The following SLC14A2 variants were observed in gnomAD, a reference collection of about 807,000 sequenced individuals.
SLC14A2 encodes solute carrier family 14 member 2, also known as urea transporter 2.
In SLC14A2, 91 loss-of-function variants were observed where a neutral mutation model predicts 104.6. The ratio of observed to expected loss-of-function variants is 0.87; its 90% CI spans 0.73 to 1.04. SLC14A2 has a LOEUF of 1.04. Ranked by LOEUF, SLC14A2 falls within the 50% of genes least tolerant of loss-of-function variation. The probability of loss-of-function intolerance (pLI) is 0.00; values close to 1 mark genes in which losing one functional copy is unlikely to be tolerated. For missense variants in SLC14A2, 1,189 were observed against 1,156.0 expected, an observed-to-expected ratio of 1.03 and a Z score of -0.41; for synonymous variants, 476 against 466.4, an observed-to-expected ratio of 1.02 and a Z score of -0.27.
At chr18:45,582,666 CAGAG>C (rs777396471) in intron 2 of SLC14A2, among the ~76,000 whole-genome samples, 15 of 152,152 alleles carry the variant, frequency 9.9e-5, no homozygotes, top group Middle Eastern at 3.2e-3. Context: ...CTGGGTCACA[CAGAG>C]AGCTTTCTGA....
intron 1 of SLC14A2, among the ~76,000 whole-genome samples, chr18:45,366,219 C>T (rs868442174): frequency 6.6e-6 from 1 of 152,172 alleles, no homozygotes; most frequent in South Asian, 2.1e-4. Context: ...AAGCTCCCTG[C>T]ATTGGCTAGC....
At chr18:45,544,782 ATG>A (rs2043944872) in intron 2 of SLC14A2, among the ~76,000 whole-genome samples, 1 of 145,912 alleles carries the variant, frequency 6.9e-6, no homozygotes, top group Non-Finnish European at 1.5e-5. Flanking sequence ...TTTATCAATA[ATG>A]TCTTTTTTTT....
At chr18:45,398,017 T>C (rs1270283855) in intron 1 of SLC14A2, among the ~76,000 whole-genome samples, 1 of 152,148 alleles carries the variant, frequency 6.6e-6, no homozygotes, top group African/African-American at 2.4e-5. Flanking sequence ...TAGGAAGTAA[T>C]ATTTATTGAG....
At chr18:45,408,887 C>T (rs570827760) in intron 1 of SLC14A2, among the ~76,000 whole-genome samples, 19 of 152,206 alleles carry the variant, frequency 1.2e-4, no homozygotes, top group African/African-American at 4.6e-4. Flanking sequence ...ATTACTTTAC[C>T]TCTCTGGGCC....
rs1041468579 is a variant in SLC14A2, at chr18:45,594,404, T to A, written c.-34-30227T>A. On this transcript the variant is annotated intron_variant, in intron 2 of 20. Transcript: ENST00000586448. ...AGAATTTGAACAACCCATAGACTCA[T>A]CTGGTCAGAAAATGGCACCGCAGGT... is the stretch of plus-strand genomic sequence containing the variant. Among the ~76,000 whole-genome samples the A allele has an allele frequency of 3.3e-5, 5 of 152,326 alleles. No individual in the cohort carries two copies. The East Asian group carries it at 7.7e-4, about 23-fold the overall frequency.
rs527562119 is a variant in SLC14A2, at chr18:45,256,546, C to T, written c.-125+43355C>T. Among the ~76,000 whole-genome samples, 65 of 152,296 alleles carry T rather than the reference C, an allele frequency of 4.3e-4. 1 individual carries two copies. The highest frequency in any genetic ancestry group is 1.3e-3 in the African/African-American group (53 of 41,566). On this transcript the variant is annotated intron_variant, in intron 1 of 20. Transcript: ENST00000586448. ...TCATTCCCTCTTAGCTAATCCTGTGCTAAGGAACAGTTAAACTCAATTCGG... is the reference window on the plus strand; with the variant it reads ...TCATTCCCTCTTAGCTAATCCTGTGTTAAGGAACAGTTAAACTCAATTCGG...
At chr18:45,242,058 GAGCACT>G (rs1401242224) in intron 1 of SLC14A2, among the ~76,000 whole-genome samples, 5 of 152,240 alleles carry the variant, frequency 3.3e-5, no homozygotes, top group African/African-American at 1.2e-4. Flanking sequence ...CAGTGTTTCA[GAGCACT>G]TTACTGCACA....
At chr18:45,252,519 C>T (rs2084433718) in intron 1 of SLC14A2, among the ~76,000 whole-genome samples, 1 of 152,154 alleles carries the variant, frequency 6.6e-6, no homozygotes, top group Non-Finnish European at 1.5e-5. Context: ...TAAATGGAGT[C>T]ATTTGTCCTA....
chr18:45,539,063 GAGA>G (rs1272249659), intron 2 of SLC14A2, among the ~76,000 whole-genome samples: 1 of 151,864 alleles, frequency 6.6e-6, no homozygotes, highest in African/African-American at 2.4e-5. Context: ...CATGGGGATA[GAGA>G]AGCAGTCAAG....
chr18:45,285,666 C>G (rs887521684), intron 1 of SLC14A2, among the ~76,000 whole-genome samples: 7 of 79,750 alleles, frequency 8.8e-5, no homozygotes, highest in Non-Finnish European at 1.4e-4. Context: ...GATCTGCCCC[C>G]CCCCCCCCTC....
chr18:45,194,801 A>G, the SLC14A2 span, among the ~76,000 whole-genome samples: 3 of 151,794 alleles, frequency 2.0e-5, no homozygotes, highest in Admixed American at 2.0e-4. Context: ...ACCTGCCATC[A>G]TGCCGGCTAA....
At chr18:45,344,617 T>C (rs1346355196) in intron 1 of SLC14A2, among the ~76,000 whole-genome samples, 1 of 151,072 alleles carries the variant, frequency 6.6e-6, no homozygotes, top group Non-Finnish European at 1.5e-5. Flanking sequence ...CCCAGAAACG[T>C]TGTCAAAAGG....
intron 1 of SLC14A2, among the ~76,000 whole-genome samples, chr18:45,271,900 A>G (rs1476410737): frequency 6.6e-6 from 1 of 152,190 alleles, no homozygotes; most frequent in Non-Finnish European, 1.5e-5. Context: ...TTCAAATTAT[A>G]CTACAGAGCT....
chr18:45,223,134 C>T (rs2143998344), intron 1 of SLC14A2, among the ~76,000 whole-genome samples: 1 of 152,308 alleles, frequency 6.6e-6, no homozygotes, highest in Non-Finnish European at 1.5e-5. Context: ...AAGATGGAAT[C>T]TGTATTATCT....
intron 1 of SLC14A2, among the ~76,000 whole-genome samples, chr18:45,333,536 C>A (rs1265278484): frequency 6.6e-6 from 1 of 152,010 alleles, no homozygotes; most frequent in Non-Finnish European, 1.5e-5. Context: ...AGATCTGTAC[C>A]AGAACTGGTC....
the SLC14A2 span, among the ~76,000 whole-genome samples, chr18:45,178,275 T>C: frequency 2.7e-4 from 39 of 142,524 alleles, no homozygotes; most frequent in African/African-American, 1.2e-3. Flanking sequence ...TGAAAACAGT[T>C]TTGCATTCTT....
chr18:45,617,623 TTC>T (rs2144478722), intron 1 of SLC14A2, among the ~76,000 whole-genome samples: 1 of 152,290 alleles, frequency 6.6e-6, no homozygotes, highest in South Asian at 2.1e-4. Context: ...CTGCCTTGTC[TTC>T]TTAGTGCCCA....
At chr18:45,383,674 G>A (rs957871776) in intron 1 of SLC14A2, among the ~76,000 whole-genome samples, 5 of 152,108 alleles carry the variant, frequency 3.3e-5, no homozygotes, top group African/African-American at 1.2e-4. Context: ...ATATCCTCAT[G>A]ATGCTCTGGA....
chr18:45,392,299 G>C (rs1361059524), intron 1 of SLC14A2, among the ~76,000 whole-genome samples: 2 of 152,240 alleles, frequency 1.3e-5, no homozygotes, highest in South Asian at 4.1e-4. Flanking sequence ...TGTATCTAAG[G>C]GTTTGATTTT....
Sources: gnomAD v4.1 joint callset for allele counts (sites outside exome capture counted in the v4.1 genomes callset) on GRCh38, gnomAD v4.1.1 for gene constraint, MANE v1.5 for transcripts, NCBI Gene and HGNC (gene_info 2026-07-23, HGNC 2026-07-21) for gene names.